The following PLCB1 variants were observed in gnomAD, a reference collection of about 807,000 sequenced individuals.
PLCB1 encodes the protein 1-phosphatidylinositol 4,5-bisphosphate phosphodiesterase beta-1.
PLCB1 carries 46 observed loss-of-function variants against 161.8 expected under a neutral mutation model. The observed-to-expected ratio is 0.28, with a 90% CI of 0.22 to 0.36. PLCB1 has a LOEUF of 0.36. PLCB1 is among the 10% of genes least tolerant of loss of function. PLCB1 has a pLI of 1.00. For synonymous variants in PLCB1, 517 were observed against 503.7 expected, an observed-to-expected ratio of 1.03 and a Z score of -0.35; for missense variants, 1,016 against 1,472.5, an observed-to-expected ratio of 0.69 and a Z score of 5.07.
At chr20:8,880,501 A>G (rs916244005) in intron 31 of PLCB1, among the ~76,000 whole-genome samples, 1 of 151,734 alleles carries the variant, frequency 6.6e-6, no homozygotes, top group Admixed American at 6.6e-5. Flanking sequence ...AAGGCAAATA[A>G]AAATTAGAAT....
chr20:8,343,458 C>CAG, intron 2 of PLCB1, among the ~76,000 whole-genome samples: 1 of 152,184 alleles, frequency 6.6e-6, no homozygotes, highest in Admixed American at 6.5e-5. Flanking sequence ...CTGGGAACCC[C>CAG]ACTTTGAGAT....
intron 2 of PLCB1, among the ~76,000 whole-genome samples, chr20:8,283,684 A>G (rs1568617205): frequency 6.6e-6 from 1 of 152,016 alleles, no homozygotes; most frequent in Non-Finnish European, 1.5e-5. Flanking sequence ...AAGGTGGTGT[A>G]AAATTATACT....
intron 27 of PLCB1, among the ~76,000 whole-genome samples, chr20:8,775,769 A>G (rs1982913181): frequency 6.6e-6 from 1 of 152,170 alleles, no homozygotes; most frequent in African/African-American, 2.4e-5. Context: ...TTTAGGGTCT[A>G]CCTTAAATTT....
chr20:8,236,157 A>G (rs1052655624), intron 2 of PLCB1, among the ~76,000 whole-genome samples: 5 of 152,168 alleles, frequency 3.3e-5, no homozygotes, highest in South Asian at 4.1e-4. Flanking sequence ...ATAGTGTAAG[A>G]CAACTAATAT....
intron 31 of PLCB1, among the ~76,000 whole-genome samples, chr20:8,802,681 AT>A (rs1984342797): frequency 6.6e-6 from 1 of 152,140 alleles, no homozygotes. Context: ...AATTTACTTT[AT>A]TCCCACATGG....
intron 3 of PLCB1, among the ~76,000 whole-genome samples, chr20:8,589,179 C>A (rs1041738795): frequency 6.8e-6 from 1 of 147,104 alleles, no homozygotes; most frequent in African/African-American, 2.5e-5. Flanking sequence ...GTAGACAGAA[C>A]GAAGACATGA....
At chr20:8,652,240 A>C (rs1335571088) in intron 7 of PLCB1, 3 of 152,134 alleles carry the variant, frequency 2.0e-5, no homozygotes, top group Non-Finnish European at 4.4e-5. Context: ...TAAATTAGAA[A>C]AAATTATCTC....
rs1406546773 is a variant in PLCB1, at chr20:8,881,900, ACT to A, written c.*58_*59del. On this transcript the variant is annotated 3_prime_UTR_variant, in exon 32 of 32. Transcript: ENST00000338037. ...TGCATGGCCACTCCAGCGTCATCGG[ACT>A]CTCTCTTATTACAAAGATCACTGCC... 1.2e-5 allele frequency: 14 copies of A among 1,184,268 alleles called. No homozygotes were observed. The highest frequency in any genetic ancestry group is 6.9e-5 in the Admixed American group (4 of 57,862). The allele number at this position is 1,184,268 out of a possible 1,614,324, so 73.4% of individuals were successfully genotyped here. A position where few individuals can be genotyped will look rare whatever the true frequency, so the allele number is the denominator to read the frequency against.
At chr20:8,767,736 C>T (rs2146195355) in intron 26 of PLCB1, among the ~76,000 whole-genome samples, 1 of 152,256 alleles carries the variant, frequency 6.6e-6, no homozygotes, top group East Asian at 1.9e-4. Context: ...AGGGCTGTTC[C>T]CAGTTCTGGA....
chr20:8,628,254 T>G (rs761408865), intron 3 of PLCB1, 40 bp from the exon 4 acceptor site: 3 of 1,499,144 alleles, frequency 2.0e-6, no homozygotes, highest in Non-Finnish European at 2.8e-6. Flanking sequence ...CGTTGGAATC[T>G]CTAGTTATAG....
intron 2 of PLCB1, among the ~76,000 whole-genome samples, chr20:8,223,770 A>G (rs1358454145): frequency 6.6e-6 from 1 of 152,166 alleles, no homozygotes; most frequent in Non-Finnish European, 1.5e-5. Flanking sequence ...CATATAGTTA[A>G]TAGTTTTAAA....
intron 1 of PLCB1, among the ~76,000 whole-genome samples, chr20:8,139,152 T>C (rs1015686542): frequency 4.6e-5 from 6 of 130,150 alleles, no homozygotes; most frequent in African/African-American, 1.7e-4. Context: ...AGTGGCACCA[T>C]CTCGGCTCAC....
intron 31 of PLCB1, among the ~76,000 whole-genome samples, chr20:8,856,061 C>G (rs1215191657): frequency 6.6e-6 from 1 of 152,150 alleles, no homozygotes; most frequent in African/African-American, 2.4e-5. Flanking sequence ...GTTTCTCCCC[C>G]TCTGGTACCC....
chr20:8,859,784 G>A (rs1987193764), intron 31 of PLCB1, among the ~76,000 whole-genome samples: 2 of 151,742 alleles, frequency 1.3e-5, no homozygotes, highest in South Asian at 4.2e-4. Context: ...CTGAATAAAT[G>A]TTTTCTAGAA....
chr20:8,617,133 TC>T (rs1169022288), intron 3 of PLCB1, among the ~76,000 whole-genome samples: 12 of 152,204 alleles, frequency 7.9e-5, no homozygotes, highest in Non-Finnish European at 4.4e-5. Context: ...CATAGAGTCA[TC>T]CTTCTACTAA....
intron 10 of PLCB1, among the ~76,000 whole-genome samples, chr20:8,692,015 T>C (rs1186233140): frequency 2.0e-5 from 3 of 152,162 alleles, no homozygotes; most frequent in Non-Finnish European, 4.4e-5. Flanking sequence ...AACCTTCCCA[T>C]ACTCCCAACT....
intron 31 of PLCB1, among the ~76,000 whole-genome samples, chr20:8,790,703 A>G (rs1295811046): frequency 6.6e-6 from 1 of 152,198 alleles, no homozygotes; most frequent in African/African-American, 2.4e-5. Context: ...CTAGCAAAAT[A>G]GTCTCATAAA....
At chr20:8,774,152 C>G (rs1274030559) in intron 26 of PLCB1, among the ~76,000 whole-genome samples, 1 of 152,114 alleles carries the variant, frequency 6.6e-6, no homozygotes, top group African/African-American at 2.4e-5. Context: ...AGTTTTCATA[C>G]GGGAAAGGTA....
intron 3 of PLCB1, among the ~76,000 whole-genome samples, chr20:8,621,167 A>G (rs770273586): frequency 1.3e-5 from 2 of 152,202 alleles, no homozygotes; most frequent in Non-Finnish European, 1.5e-5. Flanking sequence ...AATGCTTTTC[A>G]TGCTTTGTCG....
Sources: allele counts gnomAD v4.1 joint callset (sites outside exome capture counted in the v4.1 genomes callset), GRCh38; gene constraint gnomAD v4.1.1; transcripts MANE v1.5; gene names NCBI Gene and HGNC (gene_info 2026-07-23, HGNC 2026-07-21).